The following HS6ST3 variants were observed in gnomAD, a reference collection of about 807,000 sequenced individuals.
HS6ST3 encodes heparan-sulfate 6-O-sulfotransferase 3.
Under a neutral mutation model 36.7 loss-of-function variants are expected in HS6ST3, and 12 were observed. That is an observed-to-expected ratio of 0.33 (90% confidence interval 0.21 to 0.53). The LOEUF is 0.53. HS6ST3 is among the 20% of genes least tolerant of loss of function. HS6ST3 has a pLI of 0.95. For missense variants in HS6ST3, 584 were observed against 640.9 expected (o/e 0.91, Z 0.96); for synonymous variants, 240 against 257.5 (o/e 0.93, Z 0.65).
chr13:96,261,321 T>G (rs9556536), intron 1 of HS6ST3, among the ~76,000 whole-genome samples: 8,318 of 150,180 alleles, frequency 0.055, 312 homozygotes, highest in East Asian at 0.16. Flanking sequence ...ATTTTATATA[T>G]ATATGTATAT....
intron 1 of HS6ST3, among the ~76,000 whole-genome samples, chr13:96,407,708 A>G (rs1375392407): frequency 6.6e-6 from 1 of 152,216 alleles, no homozygotes; most frequent in African/African-American, 2.4e-5. Context: ...TGGAGAATTT[A>G]CATTACAATT....
At chr13:96,401,749 A>G (rs939993059) in intron 1 of HS6ST3, among the ~76,000 whole-genome samples, 1 of 151,850 alleles carries the variant, frequency 6.6e-6, no homozygotes, top group African/African-American at 2.4e-5. Flanking sequence ...TAATTTTTAT[A>G]TCTTTCGTAG....
At chr13:96,814,401 G>A (rs1048585029) in intron 1 of HS6ST3, among the ~76,000 whole-genome samples, 2 of 152,032 alleles carry the variant, frequency 1.3e-5, no homozygotes, top group Non-Finnish European at 2.9e-5. Flanking sequence ...AAATCGTGGC[G>A]AGTTGATTTT....
At chr13:96,604,487 A>C (rs145781032) in intron 1 of HS6ST3, among the ~76,000 whole-genome samples, 1 of 152,276 alleles carries the variant, frequency 6.6e-6, no homozygotes, top group East Asian at 1.9e-4. Flanking sequence ...TATCAGATAC[A>C]TTTGTTTTGG....
chr13:96,416,228 A>G (rs767880084), intron 1 of HS6ST3, among the ~76,000 whole-genome samples: 6 of 152,202 alleles, frequency 3.9e-5, no homozygotes, highest in Admixed American at 1.3e-4. Context: ...GCAAAATGGC[A>G]CCTGGCCAAA....
chr13:96,293,695 A>G lies in HS6ST3; in HGVS notation c.707+202126A>G, dbSNP rs535039585. On this transcript the variant is annotated intron_variant, in intron 1 of 1. Transcript: ENST00000376705. ...ATGATTCTCAGATATTCATGTCACA[A>G]CCAACTCTTAAGCAGTTTATGATTG... 7.9e-5 allele frequency among the ~76,000 whole-genome samples: 12 copies of G among 152,238 alleles called. No homozygotes were observed. In the South Asian group the frequency reaches 1.5e-3, roughly 18 times the overall value.
chr13:96,385,639 C>G (rs542457272), intron 1 of HS6ST3, among the ~76,000 whole-genome samples: 1 of 152,260 alleles, frequency 6.6e-6, no homozygotes, highest in South Asian at 2.1e-4. Flanking sequence ...TTCTTTGACA[C>G]ATTTGTCCAT....
At chr13:96,710,632 G>T (rs190434999) in intron 1 of HS6ST3, among the ~76,000 whole-genome samples, 14 of 152,344 alleles carry the variant, frequency 9.2e-5, no homozygotes, top group African/African-American at 3.1e-4. Flanking sequence ...TGATTGCACT[G>T]TCTTGGGTCC....
At chr13:96,194,322 T>C (rs9556528) in intron 1 of HS6ST3, among the ~76,000 whole-genome samples, 144,175 of 152,198 alleles carry the variant, frequency 0.95, 68,394 homozygotes, top group African/African-American at 0.97. Flanking sequence ...GATATTTAGC[T>C]CTGGCCTCTG....
At chr13:96,413,463 G>T (rs1406525307) in intron 1 of HS6ST3, among the ~76,000 whole-genome samples, 1 of 152,152 alleles carries the variant, frequency 6.6e-6, no homozygotes, top group South Asian at 2.1e-4. Flanking sequence ...GGGGGTAGAA[G>T]AAATAGAAAA....
intron 1 of HS6ST3, among the ~76,000 whole-genome samples, chr13:96,603,202 C>T (rs539630909): frequency 1.4e-3 from 219 of 152,272 alleles, no homozygotes; most frequent in African/African-American, 4.6e-3. Flanking sequence ...CATGACCAGA[C>T]GCTCAACAGC....
chr13:96,717,773 G>A (rs1244250955), intron 1 of HS6ST3, among the ~76,000 whole-genome samples: 1 of 152,202 alleles, frequency 6.6e-6, no homozygotes, highest in Non-Finnish European at 1.5e-5. Flanking sequence ...TAAGCCTGGT[G>A]TGTGTTCCCC....
At chr13:96,546,378 C>T (rs1433682182) in intron 1 of HS6ST3, among the ~76,000 whole-genome samples, 1 of 152,126 alleles carries the variant, frequency 6.6e-6, no homozygotes, top group African/African-American at 2.4e-5. Flanking sequence ...TTACAAGTTT[C>T]ACTTGATAGT....
chr13:96,686,929 G>A (rs536268), intron 1 of HS6ST3, among the ~76,000 whole-genome samples: 150,764 of 152,156 alleles, frequency 0.99, 74,706 homozygotes, highest in Middle Eastern at 1. Context: ...TGATAATCAG[G>A]TATATTAAAA....
At chr13:96,643,676 T>C (rs558761732) in intron 1 of HS6ST3, among the ~76,000 whole-genome samples, 7 of 151,966 alleles carry the variant, frequency 4.6e-5, no homozygotes, top group Non-Finnish European at 7.4e-5. Flanking sequence ...CCAACAGCCC[T>C]GTGAGTGGAG....
At chr13:96,532,847 G>C (rs575361337) in intron 1 of HS6ST3, among the ~76,000 whole-genome samples, 2 of 152,216 alleles carry the variant, frequency 1.3e-5, no homozygotes, top group South Asian at 4.1e-4. Flanking sequence ...ATAGTACTAG[G>C]GACCCAATTG....
chr13:96,643,105 A>G (rs2056575947), intron 1 of HS6ST3, among the ~76,000 whole-genome samples: 1 of 152,006 alleles, frequency 6.6e-6, no homozygotes, highest in Non-Finnish European at 1.5e-5. Flanking sequence ...AGTAAATTCT[A>G]TAAAGTCTGT....
chr13:96,779,316 CAATAATAAT>C (rs67524779), intron 1 of HS6ST3, among the ~76,000 whole-genome samples: 23 of 147,470 alleles, frequency 1.6e-4, no homozygotes, highest in East Asian at 4.0e-4. Context: ...CTTAAAGTAT[CAATAATAAT>C]AATAATAATA....
chr13:96,231,215 G>A (rs2054506533), intron 1 of HS6ST3, among the ~76,000 whole-genome samples: 1 of 152,130 alleles, frequency 6.6e-6, no homozygotes, highest in Non-Finnish European at 1.5e-5. Flanking sequence ...GATCCTGTGG[G>A]AATCTTGCTA....
Sources: allele counts gnomAD v4.1 joint callset (sites outside exome capture counted in the v4.1 genomes callset), GRCh38; gene constraint gnomAD v4.1.1; transcripts MANE v1.5; gene names NCBI Gene and HGNC (gene_info 2026-07-23, HGNC 2026-07-21).